ALPK1: variants seen among roughly 807,000 people sequenced by gnomAD.
ALPK1 encodes the protein alpha kinase 1.
ALPK1 carries 110 observed loss-of-function variants against 120.6 expected under a neutral mutation model. The observed-to-expected ratio is 0.91, with a 90% confidence interval of 0.78 to 1.07. The LOEUF (loss-of-function observed/expected upper bound fraction) is 1.07. Ranked by LOEUF, ALPK1 falls within the 50% of genes least tolerant of loss-of-function variation. The probability of loss-of-function intolerance (pLI) is 0.00; values close to 1 mark genes in which losing one functional copy is unlikely to be tolerated. For missense variants in ALPK1, 1,498 were observed against 1,483.9 expected (o/e 1.01, Z -0.16); for synonymous variants, 582 against 560.3 (o/e 1.04, Z -0.55).
At chr4:112,367,574 A>G (rs1731214664) in intron 2 of ALPK1, among the ~76,000 whole-genome samples, 1 of 152,230 alleles carries the variant, frequency 6.6e-6, no homozygotes, top group Admixed American at 6.5e-5. Context: ...ACACCATTTT[A>G]TATAAGAGAC....
In ALPK1 at chr4:112,341,252, C is replaced by T. The variant is rs532325923; in HGVS notation, c.-101+25400C>T. The stretch of plus-strand genomic sequence containing the variant: ...CTGACAAAGCCTTAGCTGTTTCACA[C>T]AGCAAGCTGACTGGGATTGTGTGTG... On this transcript the variant is annotated intron_variant, in intron 2 of 15. Coordinates refer to ENST00000650871, the MANE Select transcript of ALPK1 (RefSeq NM_025144.4). 2.0e-5 allele frequency among the ~76,000 whole-genome samples: 3 copies of T among 152,350 alleles called. No individual in the cohort carries two copies. In the East Asian group the frequency reaches 5.8e-4, roughly 29 times the overall value.
chr4:112,431,554 G>A lies in ALPK1; in HGVS notation c.2007G>A (p.Met669Ile), dbSNP rs780830937. The stretch of plus-strand genomic sequence containing the variant: ...CTCAAAATCAGCCACAGCAACAGAT[G>A]CCCTTGACACCCTTCTCGCCTCATA... ...EPSQNQPQQQ[M>I]PLTPFSPHNT... is the part of the protein sequence containing the mutation. Residue 669 changes from methionine to isoleucine, a missense_variant, in exon 11 of 16, where the codon ATG (methionine) becomes ATA (isoleucine). Physicochemically the swap from Met to Ile is conservative, Grantham distance 10. Transcript: ENST00000650871. The A allele has an allele frequency of 6.2e-7, 1 of 1,614,176 alleles. No individual in the cohort carries two copies. The highest frequency in any genetic ancestry group is 8.5e-7 in the Non-Finnish European group (1 of 1,180,046).
At position 112,431,152 on chromosome 4, in the gene ALPK1, A is replaced by G; in HGVS notation, c.1605A>G (p.Gly535=). ...KNVQRELRRG[G]RRNWTHSDAF... ...TTCAGAGGGAACTCAGAAGGGGAGG[A>G]AGGAGAAACTGGACCCATTCTGATG... The change falls in exon 11 of 16, where the codon GGA becomes GGG. Residue 535 remains glycine (G), a synonymous_variant. Transcript: ENST00000650871. The G allele has an allele frequency of 1.2e-6, 2 of 1,614,188 alleles. No homozygotes were observed. The highest frequency in any genetic ancestry group is 1.7e-6 in the Non-Finnish European group (2 of 1,180,038).
At chr4:112,382,675 T>G in intron 4 of ALPK1, 123 bp downstream of exon 4, 7 of 1,361,894 alleles carry the variant, frequency 5.1e-6, no homozygotes, top group Admixed American at 1.9e-5. Flanking sequence ...TGCTCAGCTC[T>G]GCCAGATTGA....
At chr4:112,342,462 G>C (rs1729904128) in intron 2 of ALPK1, among the ~76,000 whole-genome samples, 2 of 152,092 alleles carry the variant, frequency 1.3e-5, no homozygotes, top group South Asian at 2.1e-4. Context: ...AATTTAGAAT[G>C]ATCTAGATGC....
At chr4:112,351,280 G>A (rs2148710985) in intron 2 of ALPK1, among the ~76,000 whole-genome samples, 1 of 152,240 alleles carries the variant, frequency 6.6e-6, no homozygotes, top group Admixed American at 6.5e-5. Context: ...GCAGTGAACT[G>A]GACAGAGGAG....
intron 2 of ALPK1, among the ~76,000 whole-genome samples, chr4:112,366,868 TAAAAAG>T (rs1731181248): frequency 6.6e-6 from 1 of 152,050 alleles, no homozygotes; most frequent in Admixed American, 6.5e-5. Context: ...TACTCAGCCA[TAAAAAG>T]AAATGAAATA....
chr4:112,317,142 T>G (rs1289955025), intron 2 of ALPK1, among the ~76,000 whole-genome samples: 1 of 152,202 alleles, frequency 6.6e-6, no homozygotes, highest in Non-Finnish European at 1.5e-5. Context: ...GGATATTAAC[T>G]CATTGTCAGA....
Position 112,297,783 on chromosome 4 carries a change from G to A in ALPK1, c.-153+314G>A, listed in dbSNP as rs185477576. The stretch of plus-strand genomic sequence containing the variant: ...AAGGTTTTAATAACAAGTTTCTTAA[G>A]TCACTGAGCTTCTGGTCTTGTCACT... On this transcript the variant is annotated intron_variant, in intron 1 of 15. Coordinates refer to ENST00000650871, the MANE Select transcript of ALPK1 (RefSeq NM_025144.4). Among the ~76,000 whole-genome samples, 169 of 152,220 alleles carry A rather than the reference G, an allele frequency of 1.1e-3. 1 individual carries two copies. Among genetic ancestry groups the A allele is most frequent in the African/African-American group, 3.9e-3 (163 of 41,530 alleles).
chr4:112,318,895 C>T (rs1728746554), intron 2 of ALPK1, among the ~76,000 whole-genome samples: 1 of 152,184 alleles, frequency 6.6e-6, no homozygotes, highest in South Asian at 2.1e-4. Flanking sequence ...GTACTAAGGG[C>T]AAGTTCACAG....
At chr4:112,379,133 C>G (rs1033942585) in intron 3 of ALPK1, among the ~76,000 whole-genome samples, 1 of 152,218 alleles carries the variant, frequency 6.6e-6, no homozygotes, top group Non-Finnish European at 1.5e-5. Context: ...TTTTACTACA[C>G]CACACCCTTT....
chr4:112,358,985 G>A, intron 2 of ALPK1: 2 of 767,936 alleles, frequency 2.6e-6, no homozygotes, highest in South Asian at 1.3e-5. Flanking sequence ...AGTTTGAGGA[G>A]GTCTGTATAC....
chr4:112,356,904 G>A (rs1008143203), intron 2 of ALPK1: 6 of 752,078 alleles, frequency 8.0e-6, no homozygotes, highest in Non-Finnish European at 1.5e-5. Context: ...AAGAAGACGT[G>A]TGAAGGATTG....
At chr4:112,328,385 G>C (rs2148699158) in intron 2 of ALPK1, among the ~76,000 whole-genome samples, 1 of 152,346 alleles carries the variant, frequency 6.6e-6, no homozygotes, top group African/African-American at 2.4e-5. Flanking sequence ...TCTTGGCAGG[G>C]TACAGAAATG....
intron 4 of ALPK1, among the ~76,000 whole-genome samples, chr4:112,392,525 T>C (rs1732464798): frequency 6.6e-6 from 1 of 152,196 alleles, no homozygotes; most frequent in Non-Finnish European, 1.5e-5. Context: ...CAATTAAAAG[T>C]AATTTCATTT....
chr4:112,330,235 T>C (rs1405353203), intron 2 of ALPK1, among the ~76,000 whole-genome samples: 2 of 152,192 alleles, frequency 1.3e-5, no homozygotes, highest in Non-Finnish European at 2.9e-5. Flanking sequence ...GTGTATAAGT[T>C]CCTCTGTAAA....
At chr4:112,314,264 C>A (rs1366567373) in intron 1 of ALPK1, among the ~76,000 whole-genome samples, 1 of 152,090 alleles carries the variant, frequency 6.6e-6, no homozygotes, top group Non-Finnish European at 1.5e-5. Context: ...GAAGAGACAG[C>A]GTGAAATAGT....
intron 4 of ALPK1, among the ~76,000 whole-genome samples, chr4:112,388,634 A>C (rs948250513): frequency 2.6e-5 from 4 of 152,126 alleles, no homozygotes; most frequent in African/African-American, 9.7e-5. Flanking sequence ...AAAAAAAAAA[A>C]AAAACACAAA....
chr4:112,433,830 A>T (rs2148764737), intron 11 of ALPK1, among the ~76,000 whole-genome samples: 1 of 151,928 alleles, frequency 6.6e-6, no homozygotes, highest in East Asian at 1.9e-4. Flanking sequence ...GCCACATGAG[A>T]CTCTTCTGGG....
Sources: allele counts gnomAD v4.1 joint callset (sites outside exome capture counted in the v4.1 genomes callset), GRCh38; gene constraint gnomAD v4.1.1; transcripts MANE v1.5; gene names NCBI Gene and HGNC (gene_info 2026-07-23, HGNC 2026-07-21).